Variants in SH3GL3 observed in about 807,000 individuals in gnomAD.
The protein encoded by SH3GL3 is endophilin-A3.
A neutral mutation model predicts 47.7 loss-of-function variants in SH3GL3; 33 were observed. The observed-to-expected ratio is 0.69, with a 90% CI of 0.52 to 0.92. SH3GL3 has a LOEUF of 0.92. Among genes scored for constraint, SH3GL3 ranks in the 40% least tolerant of loss-of-function variants. SH3GL3 has a pLI of 0.00. For missense variants in SH3GL3, 363 were observed against 417.8 expected (o/e 0.87, Z 1.14); for synonymous variants, 155 against 148.8 (o/e 1.04, Z -0.30).
At chr15:83,523,948 A>G (rs1596174991) in intron 1 of SH3GL3, among the ~76,000 whole-genome samples, 2 of 7,106 alleles carry the variant, frequency 2.8e-4, no homozygotes, top group Admixed American at 3.8e-3. Context: ...TCAGCAATCT[A>G]AAAAAAAAAA....
In SH3GL3 at chr15:83,610,980, A is replaced by T. The variant is rs55941902; in HGVS notation, c.839-7102A>T. On this transcript the variant is annotated intron_variant, in intron 8 of 8. Transcript: ENST00000427482. The stretch of plus-strand genomic sequence containing the variant: ...GCAGCAGCAGGGACTTCAGCCAAAA[A>T]ATATATATATATATATATAATATGT... Among the ~76,000 whole-genome samples, 921 of 147,028 alleles carry T rather than the reference A, an allele frequency of 6.3e-3. 4 individuals carry two copies. The highest frequency in any genetic ancestry group is 0.021 in the African/African-American group (844 of 40,178).
At chr15:83,499,557 C>T (rs181932702) in intron 1 of SH3GL3, among the ~76,000 whole-genome samples, 1 of 152,134 alleles carries the variant, frequency 6.6e-6, no homozygotes, top group African/African-American at 2.4e-5. Context: ...ATTAGTCATC[C>T]AGTTCTCACA....
At chr15:83,583,287 C>T (rs1448634192) in intron 6 of SH3GL3, among the ~76,000 whole-genome samples, 1 of 152,188 alleles carries the variant, frequency 6.6e-6, no homozygotes, top group Non-Finnish European at 1.5e-5. Context: ...TGCTTACTCA[C>T]CCGGCTGCTC....
intron 1 of SH3GL3, among the ~76,000 whole-genome samples, chr15:83,524,426 G>T (rs1328397994): frequency 6.6e-6 from 1 of 152,124 alleles, no homozygotes; most frequent in African/African-American, 2.4e-5. Flanking sequence ...TGGAATACAT[G>T]TAATATTTTG....
chr15:83,464,970 G>C (rs2040492341), intron 1 of SH3GL3, among the ~76,000 whole-genome samples: 1 of 147,788 alleles, frequency 6.8e-6, no homozygotes, highest in South Asian at 2.2e-4. Flanking sequence ...TTGTGCACAT[G>C]TACCCTAGAA....
intron 8 of SH3GL3, among the ~76,000 whole-genome samples, chr15:83,612,168 T>C (rs192597453): frequency 1.2e-4 from 19 of 152,356 alleles, no homozygotes; most frequent in African/African-American, 3.4e-4. Context: ...ACACAGTCAA[T>C]TCAGAGTAGA....
chr15:83,608,393 T>G (rs1404958128), intron 8 of SH3GL3, among the ~76,000 whole-genome samples: 1 of 152,176 alleles, frequency 6.6e-6, no homozygotes, highest in Non-Finnish European at 1.5e-5. Flanking sequence ...CAGTGCGCTC[T>G]TACCCATGGA....
At chr15:83,550,255 T>C (rs2044595828) in intron 1 of SH3GL3, among the ~76,000 whole-genome samples, 1 of 152,228 alleles carries the variant, frequency 6.6e-6, no homozygotes, top group Non-Finnish European at 1.5e-5. Flanking sequence ...ACAGGGCTTC[T>C]CAAAATGTGT....
chr15:83,509,043 A>G (rs1407277643), intron 1 of SH3GL3, among the ~76,000 whole-genome samples: 2 of 152,226 alleles, frequency 1.3e-5, no homozygotes, highest in East Asian at 3.9e-4. Flanking sequence ...TATGGAATGA[A>G]TGTTTTTACC....
chr15:83,615,986 C>T (rs1367267487), intron 8 of SH3GL3, among the ~76,000 whole-genome samples: 2 of 152,072 alleles, frequency 1.3e-5, no homozygotes, highest in African/African-American at 2.4e-5. Context: ...ACTGCTTATA[C>T]TCTTCAATTT....
At chr15:83,450,790 C>CTTTTTTTTTTTTTATTTTTTT (rs11389151) in intron 1 of SH3GL3, among the ~76,000 whole-genome samples, 1 of 45,358 alleles carries the variant, frequency 2.2e-5, no homozygotes, top group African/African-American at 1.0e-4. Flanking sequence ...TATAGATTTT[C>CTTTTTTTTTTTTTATTTTTTT]TTTTTTTTTT....
At chr15:83,576,488 C>A in intron 5 of SH3GL3, 95 bp from the exon 6 acceptor site, 1 of 1,198,490 alleles carries the variant, frequency 8.3e-7, no homozygotes, top group Non-Finnish European at 1.2e-6. Flanking sequence ...GGAATCTAGG[C>A]CGAGAAAAAG....
chr15:83,588,135 G>A lies in SH3GL3; in HGVS notation c.729-527G>A, dbSNP rs139837100. On this transcript the variant is annotated intron_variant, in intron 7 of 8. Transcript: ENST00000427482. ...TTTGTTTTGTTTTGTTTTGTTTTGAGATGGAGTCGTGCTCTGTTGCCCAGG... is the reference window on the plus strand; with the variant it reads ...TTTGTTTTGTTTTGTTTTGTTTTGAAATGGAGTCGTGCTCTGTTGCCCAGG... Among the ~76,000 whole-genome samples, 534 of 152,058 alleles carry A rather than the reference G, an allele frequency of 3.5e-3. 1 individual carries two copies. The highest frequency in any genetic ancestry group is 6.6e-3 in the Non-Finnish European group (450 of 67,892).
chr15:83,555,694 C>A (rs2044916705), intron 1 of SH3GL3, among the ~76,000 whole-genome samples: 1 of 152,048 alleles, frequency 6.6e-6, no homozygotes, highest in African/African-American at 2.4e-5. Context: ...ATTTTTTTTC[C>A]CAGCCTCATT....
intron 1 of SH3GL3, among the ~76,000 whole-genome samples, chr15:83,500,189 T>C (rs2042238297): frequency 6.6e-6 from 1 of 152,202 alleles, no homozygotes; most frequent in African/African-American, 2.4e-5. Context: ...CAGTATTTTA[T>C]GGGGTAACCA....
chr15:83,521,778 T>C (rs2043215694), intron 1 of SH3GL3, among the ~76,000 whole-genome samples: 1 of 152,186 alleles, frequency 6.6e-6, no homozygotes, highest in Non-Finnish European at 1.5e-5. Flanking sequence ...TTGCTACTTC[T>C]AGGAACTGTG....
intron 1 of SH3GL3, among the ~76,000 whole-genome samples, chr15:83,541,531 C>T (rs113499648): frequency 6.6e-6 from 1 of 151,738 alleles, no homozygotes; most frequent in African/African-American, 2.4e-5. Context: ...GACGGTAATT[C>T]TATTTTTTGA....
chr15:83,582,367 G>T (rs1159545178), intron 6 of SH3GL3, among the ~76,000 whole-genome samples: 1 of 152,080 alleles, frequency 6.6e-6, no homozygotes, highest in African/African-American at 2.4e-5. Context: ...GGAATTACTA[G>T]ATTCCAGATT....
chr15:83,450,106 T>A (rs904710772), intron 1 of SH3GL3, among the ~76,000 whole-genome samples: 6 of 152,184 alleles, frequency 3.9e-5, no homozygotes, highest in Middle Eastern at 3.2e-3. Context: ...CTTGGGAACA[T>A]AACTTAACCC....
Sources: allele counts gnomAD v4.1 joint callset (sites outside exome capture counted in the v4.1 genomes callset), GRCh38; gene constraint gnomAD v4.1.1; transcripts MANE v1.5; gene names NCBI Gene and HGNC (gene_info 2026-07-23, HGNC 2026-07-21).